The following NALCN variants were observed in gnomAD, a reference collection of about 807,000 sequenced individuals.
The protein encoded by NALCN is sodium leak channel, non-selective.
In NALCN, 111 loss-of-function variants were observed where a neutral mutation model predicts 225.3. The ratio of observed to expected loss-of-function variants is 0.49; its 90% CI spans 0.42 to 0.58. The LOEUF is 0.58. Among genes scored for constraint, NALCN ranks in the 20% least tolerant of loss-of-function variants. The probability of loss-of-function intolerance (pLI) is 0.00; values close to 1 mark genes in which losing one functional copy is unlikely to be tolerated. For missense variants in NALCN, 1,378 were observed against 2,202.4 expected, an observed-to-expected ratio of 0.63 and a Z score of 7.49; for synonymous variants, 764 against 769.0, an observed-to-expected ratio of 0.99 and a Z score of 0.11.
At chr13:101,400,512 T>A (rs1418052047) in intron 1 of NALCN, among the ~76,000 whole-genome samples, 2 of 151,486 alleles carry the variant, frequency 1.3e-5, no homozygotes, top group Non-Finnish European at 2.9e-5. Flanking sequence ...GGGTGCCACT[T>A]AGTCCTCACT....
At chr13:101,372,384 G>A (rs2046565290) in intron 6 of NALCN, among the ~76,000 whole-genome samples, 1 of 152,096 alleles carries the variant, frequency 6.6e-6, no homozygotes, top group South Asian at 2.1e-4. Flanking sequence ...CTCAAAAACT[G>A]CAGATTTCAC....
At chr13:101,067,780 G>A (rs1011749965) in intron 39 of NALCN, 138 bp downstream of exon 39, 11 of 681,372 alleles carry the variant, frequency 1.6e-5, no homozygotes, top group Non-Finnish European at 2.9e-5. Context: ...CTGCTGAACT[G>A]TAAATGATGG....
intron 7 of NALCN, among the ~76,000 whole-genome samples, chr13:101,341,856 C>T (rs1459841165): frequency 1.3e-5 from 2 of 152,104 alleles, no homozygotes; most frequent in Admixed American, 1.3e-4. Context: ...GTGATTAGAT[C>T]ATGAAGGTGG....
chr13:101,077,392 T>C (rs140898895), intron 34 of NALCN, among the ~76,000 whole-genome samples: 2 of 152,276 alleles, frequency 1.3e-5, no homozygotes, highest in East Asian at 3.9e-4. Flanking sequence ...CAGGAAGATA[T>C]GGGAAAGTTT....
intron 14 of NALCN, among the ~76,000 whole-genome samples, chr13:101,185,789 TG>T (rs1352042474): frequency 1.3e-5 from 2 of 152,244 alleles, no homozygotes; most frequent in African/African-American, 4.8e-5. Flanking sequence ...GCTTGGCACA[TG>T]CCTGTCCCTG....
At chr13:101,264,954 G>A (rs1484001348) in intron 10 of NALCN, among the ~76,000 whole-genome samples, 2 of 152,150 alleles carry the variant, frequency 1.3e-5, no homozygotes, top group African/African-American at 4.8e-5. Context: ...TGCAAATGCA[G>A]GTGGCCTCCA....
At chr13:101,408,936 A>G (rs943377206) in intron 1 of NALCN, among the ~76,000 whole-genome samples, 4 of 152,198 alleles carry the variant, frequency 2.6e-5, no homozygotes, top group Non-Finnish European at 5.9e-5. Flanking sequence ...TAGAAATAAA[A>G]AATGGTTCCC....
intron 30 of NALCN, among the ~76,000 whole-genome samples, chr13:101,086,219 CCCT>C (rs2033923396): frequency 6.6e-6 from 1 of 151,796 alleles, no homozygotes; most frequent in South Asian, 2.1e-4. Flanking sequence ...CTTTCTTCCC[CCCT>C]ACTTTATTTG....
At chr13:101,063,829 G>A (rs74116963) in intron 40 of NALCN, among the ~76,000 whole-genome samples, 5,232 of 152,044 alleles carry the variant, frequency 0.034, 166 homozygotes, top group African/African-American at 0.082. Flanking sequence ...TGTAGGTACT[G>A]CTATGTGATT....
intron 10 of NALCN, among the ~76,000 whole-genome samples, chr13:101,269,035 C>T (rs1160106841): frequency 6.6e-6 from 1 of 152,138 alleles, no homozygotes; most frequent in African/African-American, 2.4e-5. Context: ...TGCATGACTT[C>T]ATTATTGACT....
chr13:101,108,335 T>G (rs762985108), intron 20 of NALCN, among the ~76,000 whole-genome samples: 3 of 152,156 alleles, frequency 2.0e-5, no homozygotes, highest in Non-Finnish European at 2.9e-5. Flanking sequence ...ACTATTCTAG[T>G]GTGCAGGATA....
At chr13:101,328,636 T>C (rs761170500) in intron 7 of NALCN, among the ~76,000 whole-genome samples, 9 of 152,228 alleles carry the variant, frequency 5.9e-5, no homozygotes, top group Non-Finnish European at 1.2e-4. Context: ...ATTTGCTCTA[T>C]AATTCCTTAA....
chr13:101,238,167 ATTTC>A (rs1186759468), intron 11 of NALCN, among the ~76,000 whole-genome samples: 3 of 151,858 alleles, frequency 2.0e-5, no homozygotes, highest in African/African-American at 4.8e-5. Flanking sequence ...GAGTGGCATT[ATTTC>A]TTTATTATCT....
chr13:101,398,121 C>A (rs1353005765), intron 2 of NALCN, among the ~76,000 whole-genome samples: 2 of 152,146 alleles, frequency 1.3e-5, no homozygotes, highest in African/African-American at 2.4e-5. Context: ...GAATGTCACA[C>A]TAACGTATTT....
chr13:101,172,685 A>G (rs9518325), intron 15 of NALCN, among the ~76,000 whole-genome samples: 37,926 of 151,906 alleles, frequency 0.25, 5,488 homozygotes, highest in Non-Finnish European at 0.33. Flanking sequence ...TCAGCCTCCC[A>G]AGTAGCTGGG....
chr13:101,276,144 G>A (rs2042966922), intron 10 of NALCN, among the ~76,000 whole-genome samples: 1 of 149,134 alleles, frequency 6.7e-6, no homozygotes, highest in African/African-American at 2.5e-5. Flanking sequence ...AATGCACAGA[G>A]ATGAGAAAGA....
intron 10 of NALCN, among the ~76,000 whole-genome samples, chr13:101,264,115 G>C (rs1227858998): frequency 1.3e-5 from 2 of 152,020 alleles, no homozygotes; most frequent in South Asian, 2.1e-4. Flanking sequence ...ATTTAATATG[G>C]ATGCATGATC....
At chr13:101,106,516 C>G (rs2035109387) in intron 22 of NALCN, among the ~76,000 whole-genome samples, 1 of 152,154 alleles carries the variant, frequency 6.6e-6, no homozygotes, top group Admixed American at 6.5e-5. Flanking sequence ...CTTAAAGGTA[C>G]TGATAGGGTT....
At chr13:101,334,538 AT>A (rs1172780451) in intron 7 of NALCN, among the ~76,000 whole-genome samples, 6 of 151,602 alleles carry the variant, frequency 4.0e-5, no homozygotes, top group East Asian at 1.9e-4. Context: ...TGCCTACATT[AT>A]TTTTTTTCTT....
Sources: allele counts gnomAD v4.1 joint callset (sites outside exome capture counted in the v4.1 genomes callset), GRCh38; gene constraint gnomAD v4.1.1; transcripts MANE v1.5; gene names NCBI Gene and HGNC (gene_info 2026-07-23, HGNC 2026-07-21).